The following ANXA4 variants were observed in gnomAD, a reference collection of about 807,000 sequenced individuals.
The protein encoded by ANXA4 is 35-beta calcimedin.
In ANXA4, 39 loss-of-function variants were observed where a neutral mutation model predicts 49.8. That is an observed-to-expected ratio of 0.78 (90% confidence interval 0.61 to 1.02). The LOEUF (loss-of-function observed/expected upper bound fraction) is 1.02. Among genes scored for constraint, ANXA4 ranks in the 50% least tolerant of loss-of-function variants. The pLI is 0.00. For missense variants in ANXA4, 360 were observed against 410.1 expected (o/e 0.88, Z 1.05); for synonymous variants, 134 against 152.5 (o/e 0.88, Z 0.89).
At chr2:69,710,109 T>C (rs1409955212) in intron 2 of ANXA4, among the ~76,000 whole-genome samples, 1 of 149,192 alleles carries the variant, frequency 6.7e-6, no homozygotes, top group East Asian at 2.1e-4. Flanking sequence ...TGCCTCAGCC[T>C]CCCGAGTAGC....
At chr2:69,757,260 ATATATATTTTTTTTTTTTT>A (rs1180332439) in intron 1 of ANXA4, among the ~76,000 whole-genome samples, 4 of 51,728 alleles carry the variant, frequency 7.7e-5, no homozygotes, top group African/African-American at 2.8e-4. Flanking sequence ...ATATATATAT[ATATATATTTTTTTTTTTTT>A]TTTTTTTTTT....
intron 1 of ANXA4, among the ~76,000 whole-genome samples, chr2:69,645,305 G>C (rs540017726): frequency 2.6e-5 from 4 of 152,342 alleles, no homozygotes; most frequent in African/African-American, 9.6e-5. Context: ...TGTCACCTCA[G>C]TTCACGAATT....
intron 2 of ANXA4, among the ~76,000 whole-genome samples, chr2:69,678,384 C>CT: frequency 9.5e-6 from 1 of 105,086 alleles, no homozygotes. Flanking sequence ...ACTTTCTTTT[C>CT]TTTTCTTTTT....
chr2:69,818,385 C>T, intron 9 of ANXA4: 1 of 335,514 alleles, frequency 3.0e-6, no homozygotes, highest in South Asian at 9.7e-5. Context: ...TGACTGATGT[C>T]CTCCAAACAT....
chr2:69,650,108 G>A (rs1330455433), intron 1 of ANXA4, among the ~76,000 whole-genome samples: 2 of 146,882 alleles, frequency 1.4e-5, no homozygotes, highest in Non-Finnish European at 3.0e-5. Context: ...GCTAATTTTT[G>A]TATTTTTTGT....
chr2:69,751,297 T>C (rs536469097), intron 1 of ANXA4, among the ~76,000 whole-genome samples: 88 of 152,176 alleles, frequency 5.8e-4, no homozygotes, highest in Non-Finnish European at 1.2e-4. Flanking sequence ...GTGGATTGCC[T>C]GAGCTCAGGG....
chr2:69,645,157 A>G (rs932300802), intron 1 of ANXA4, among the ~76,000 whole-genome samples: 3 of 152,088 alleles, frequency 2.0e-5, no homozygotes, highest in African/African-American at 4.8e-5. Flanking sequence ...GCTTTCTCTA[A>G]TCTGAATATT....
chr2:69,779,484 C>A (rs1162456184), intron 1 of ANXA4, among the ~76,000 whole-genome samples: 1 of 152,054 alleles, frequency 6.6e-6, no homozygotes, highest in African/African-American at 2.4e-5. Context: ...TTCCAGACAT[C>A]CCCCATATAT....
chr2:69,729,717 AT>A (rs1355719087), intron 3 of ANXA4, among the ~76,000 whole-genome samples: 1 of 152,206 alleles, frequency 6.6e-6, no homozygotes, highest in Non-Finnish European at 1.5e-5. Context: ...CTGTTCATGG[AT>A]TTTTATATTT....
At chr2:69,789,613 G>A (rs1226845221) in intron 3 of ANXA4, among the ~76,000 whole-genome samples, 3 of 152,258 alleles carry the variant, frequency 2.0e-5, no homozygotes, top group Non-Finnish European at 2.9e-5. Flanking sequence ...GGGGTCCCGA[G>A]CGGGTTGCCA....
intron 11 of ANXA4, 64 bp from the exon 12 acceptor site, chr2:69,820,635 C>T: frequency 6.3e-7 from 1 of 1,592,224 alleles, no homozygotes; most frequent in Non-Finnish European, 8.6e-7. Flanking sequence ...CTTTGATAGA[C>T]TAAAGAAGAC....
intron 4 of ANXA4, 46 bp downstream of exon 4, chr2:69,804,673 C>G: frequency 6.7e-7 from 1 of 1,481,724 alleles, no homozygotes; most frequent in Non-Finnish European, 9.3e-7. Flanking sequence ...TTCGCAGCAA[C>G]AGGAAGCAGG....
At chr2:69,824,470 TCTAGCCTGGG>T (rs1417061520) in intron 12 of ANXA4, among the ~76,000 whole-genome samples, 1 of 145,390 alleles carries the variant, frequency 6.9e-6, no homozygotes, top group African/African-American at 2.6e-5. Flanking sequence ...ACCATTGCAC[TCTAGCCTGGG>T]CCACAGAACG....
At chr2:69,781,335 T>A (rs1047032834) in intron 1 of ANXA4, 185 bp from the exon 2 acceptor site, 1 of 598,806 alleles carries the variant, frequency 1.7e-6, no homozygotes, top group Admixed American at 3.0e-5. Context: ...TAAAGTTGAC[T>A]TTTTTTAACA....
chr2:69,761,058 G>A (rs973782010), intron 1 of ANXA4, among the ~76,000 whole-genome samples: 3 of 151,666 alleles, frequency 2.0e-5, no homozygotes, highest in African/African-American at 4.8e-5. Context: ...AGCCACAAAT[G>A]CAAGTTTGAA....
chr2:69,784,994 G>A (rs1559190618), intron 2 of ANXA4, among the ~76,000 whole-genome samples: 1 of 152,236 alleles, frequency 6.6e-6, no homozygotes, highest in East Asian at 1.9e-4. Flanking sequence ...TCCAAATAAG[G>A]TCACATTCTG....
chr2:69,696,726 C>G (rs1678172065), intron 2 of ANXA4, among the ~76,000 whole-genome samples: 1 of 152,202 alleles, frequency 6.6e-6, no homozygotes, highest in Admixed American at 6.5e-5. Context: ...GTTGTGTTAG[C>G]AGGCATGAAA....
intron 1 of ANXA4, among the ~76,000 whole-genome samples, chr2:69,743,171 A>G (rs1670469279): frequency 6.6e-6 from 1 of 152,078 alleles, no homozygotes; most frequent in South Asian, 2.1e-4. Context: ...ACGTGCCTAT[A>G]GTCTCAGCTA....
intron 11 of ANXA4, among the ~76,000 whole-genome samples, chr2:69,820,328 TAGA>T (rs1218929425): frequency 4.0e-5 from 6 of 151,802 alleles, no homozygotes; most frequent in African/African-American, 1.2e-4. Context: ...CTTCCAAATG[TAGA>T]AGTTTTACAT....
Sources: gnomAD v4.1 joint callset for allele counts (sites outside exome capture counted in the v4.1 genomes callset) on GRCh38, gnomAD v4.1.1 for gene constraint, MANE v1.5 for transcripts, NCBI Gene and HGNC (gene_info 2026-07-23, HGNC 2026-07-21) for gene names.